NIM1K: variants seen among roughly 807,000 people sequenced by gnomAD.
The protein encoded by NIM1K is serine/threonine-protein kinase NIM1.
A neutral mutation model predicts 37.1 loss-of-function variants in NIM1K; 35 were observed. The ratio of observed to expected loss-of-function variants is 0.94; its 90% CI spans 0.72 to 1.25. The LOEUF is 1.25. Ranked by LOEUF, NIM1K falls within the 50% of genes most tolerant of loss-of-function variation. The probability of loss-of-function intolerance (pLI) is 0.00; values close to 1 mark genes in which losing one functional copy is unlikely to be tolerated. For synonymous variants in NIM1K, 234 were observed against 206.6 expected (o/e 1.13, Z -1.14); for missense variants, 564 against 548.0 (o/e 1.03, Z -0.29).
intron 1 of NIM1K, among the ~76,000 whole-genome samples, chr5:43,214,692 T>C (rs1330382813): frequency 6.6e-6 from 1 of 151,604 alleles, no homozygotes; most frequent in African/African-American, 2.4e-5. Flanking sequence ...AGCGGGTGCC[T>C]GTAGTCCCAG....
At chr5:43,226,600 T>A (rs955518199) in intron 1 of NIM1K, among the ~76,000 whole-genome samples, 2 of 152,168 alleles carry the variant, frequency 1.3e-5, no homozygotes, top group Admixed American at 1.3e-4. Context: ...GAGAGATTAC[T>A]CCCCAAAGGA....
At chr5:43,278,550 T>G (rs1030143968) in intron 3 of NIM1K, among the ~76,000 whole-genome samples, 4 of 152,164 alleles carry the variant, frequency 2.6e-5, no homozygotes, top group African/African-American at 9.7e-5. Context: ...CCATCTTTAC[T>G]CAGATCCCAG....
At chr5:43,258,367 C>G (rs1470642537) in intron 2 of NIM1K, among the ~76,000 whole-genome samples, 1 of 151,824 alleles carries the variant, frequency 6.6e-6, no homozygotes, top group Admixed American at 6.6e-5. Context: ...GATGATGTGA[C>G]TAGTTTCTAG....
At chr5:43,276,856 GT>G (rs1395632001) in intron 2 of NIM1K, among the ~76,000 whole-genome samples, 200 bp from the exon 3 acceptor site, 1 of 152,160 alleles carries the variant, frequency 6.6e-6, no homozygotes, top group African/African-American at 2.4e-5. Flanking sequence ...ATCAAAACCT[GT>G]GTGTGGAAGA....
intron 2 of NIM1K, among the ~76,000 whole-genome samples, chr5:43,250,982 T>C (rs1752859505): frequency 6.6e-6 from 1 of 152,214 alleles, no homozygotes; most frequent in Non-Finnish European, 1.5e-5. Context: ...ATCTCTTTGG[T>C]CCTCAGTTGC....
intron 2 of NIM1K, among the ~76,000 whole-genome samples, chr5:43,250,713 T>G (rs1004397775): frequency 6.6e-6 from 1 of 152,066 alleles, no homozygotes; most frequent in East Asian, 1.9e-4. Flanking sequence ...ACAAGAGAAG[T>G]TGGATAAAGC....
At chr5:43,252,314 C>T (rs910245992) in intron 2 of NIM1K, among the ~76,000 whole-genome samples, 1 of 152,080 alleles carries the variant, frequency 6.6e-6, no homozygotes. Context: ...CCTCCTTATA[C>T]CTAACCTGCT....
At chr5:43,236,329 G>C (rs900868332) in intron 1 of NIM1K, among the ~76,000 whole-genome samples, 5 of 151,796 alleles carry the variant, frequency 3.3e-5, no homozygotes, top group Admixed American at 2.6e-4. Flanking sequence ...AAAAAATGGA[G>C]TCGCCAGACT....
At chr5:43,267,743 T>C (rs1351342616) in intron 2 of NIM1K, among the ~76,000 whole-genome samples, 1 of 152,222 alleles carries the variant, frequency 6.6e-6, no homozygotes, top group Non-Finnish European at 1.5e-5. Context: ...TTAATTTCCA[T>C]GTATTTGTAT....
At chr5:43,244,559 C>G (rs539998878) in intron 1 of NIM1K, among the ~76,000 whole-genome samples, 1 of 152,274 alleles carries the variant, frequency 6.6e-6, no homozygotes, top group East Asian at 1.9e-4. Flanking sequence ...GAAACTGACA[C>G]CTGCTCAGAA....
At chr5:43,253,014 A>G (rs1395959211) in intron 2 of NIM1K, among the ~76,000 whole-genome samples, 2 of 134,176 alleles carry the variant, frequency 1.5e-5, no homozygotes, top group African/African-American at 5.6e-5. Context: ...GTTTTGCTTC[A>G]TTGCCCAGGC....
intron 1 of NIM1K, among the ~76,000 whole-genome samples, chr5:43,199,716 C>T (rs1294660574): frequency 6.7e-6 from 1 of 149,414 alleles, no homozygotes; most frequent in African/African-American, 2.5e-5. Context: ...CTGGGATCGC[C>T]AGCTACTATA....
At chr5:43,202,469 C>T (rs1419759049) in intron 1 of NIM1K, among the ~76,000 whole-genome samples, 2 of 152,178 alleles carry the variant, frequency 1.3e-5, no homozygotes, top group South Asian at 4.1e-4. Flanking sequence ...CTCTTTACCC[C>T]TCTGGGTCTG....
intron 2 of NIM1K, among the ~76,000 whole-genome samples, chr5:43,272,827 G>A (rs1753277673): frequency 1.3e-5 from 2 of 152,130 alleles, no homozygotes; most frequent in Non-Finnish European, 1.5e-5. Context: ...ACAACACTGA[G>A]CCTCCATTCC....
intron 1 of NIM1K, among the ~76,000 whole-genome samples, chr5:43,203,779 A>G (rs1488461991): frequency 6.6e-6 from 1 of 152,126 alleles, no homozygotes; most frequent in Non-Finnish European, 1.5e-5. Context: ...TAATCCCAGC[A>G]CTTTGGGAGG....
At chr5:43,227,446 A>C (rs1453625829) in intron 1 of NIM1K, among the ~76,000 whole-genome samples, 1 of 152,238 alleles carries the variant, frequency 6.6e-6, no homozygotes, top group Non-Finnish European at 1.5e-5. Context: ...ATAGATAGCT[A>C]ACAATATTTC....
chr5:43,198,676 A>C (rs1215755669), intron 1 of NIM1K, among the ~76,000 whole-genome samples: 1 of 152,316 alleles, frequency 6.6e-6, no homozygotes, highest in East Asian at 1.9e-4. Context: ...TGTGGCACAC[A>C]CAGCTCCTGC....
At chr5:43,207,248 G>T (rs1579955910) in intron 1 of NIM1K, 1 of 758,158 alleles carries the variant, frequency 1.3e-6, no homozygotes, top group South Asian at 1.3e-5. Context: ...AAGTGGCAAA[G>T]ATTACACTGG....
chr5:43,201,913 C>G (rs1375973580), intron 1 of NIM1K, among the ~76,000 whole-genome samples: 1 of 149,894 alleles, frequency 6.7e-6, no homozygotes, highest in Non-Finnish European at 1.5e-5. Flanking sequence ...GAGCTGAGAT[C>G]GTGCCACTGC....
Sources: gnomAD v4.1 joint callset for allele counts (sites outside exome capture counted in the v4.1 genomes callset) on GRCh38, gnomAD v4.1.1 for gene constraint, MANE v1.5 for transcripts, NCBI Gene and HGNC (gene_info 2026-07-23, HGNC 2026-07-21) for gene names.